TRABD2A: variants seen among roughly 807,000 people sequenced by gnomAD.
TRABD2A encodes metalloprotease TIKI1.
In TRABD2A, 43 loss-of-function variants were observed where a neutral mutation model predicts 45.6. The observed-to-expected ratio is 0.94, with a 90% CI of 0.74 to 1.22. The LOEUF (loss-of-function observed/expected upper bound fraction) is 1.22. Ranked by LOEUF, TRABD2A falls within the 50% of genes most tolerant of loss-of-function variation. The probability of loss-of-function intolerance (pLI) is 0.00; values close to 1 mark genes in which losing one functional copy is unlikely to be tolerated. For synonymous variants in TRABD2A, 269 were observed against 265.0 expected (o/e 1.02, Z -0.15); for missense variants, 642 against 652.4 (o/e 0.98, Z 0.17).
intron 2 of TRABD2A, among the ~76,000 whole-genome samples, chr2:84,862,883 G>A (rs995860248): frequency 6.6e-6 from 1 of 152,268 alleles, no homozygotes; most frequent in African/African-American, 2.4e-5. Context: ...CAGGTACAAC[G>A]TTGGTTTGAT....
In TRABD2A at chr2:84,877,212, C is replaced by T. The variant is rs940952575; in HGVS notation, c.108+3720G>A. ...CTTACTTTGCCCACTGGCGAGCCCC[C>T]GGACCCTTGCACTTACTGTACTGGT... On this transcript the variant is annotated intron_variant, in intron 1 of 6. Transcript: ENST00000409520. 9.9e-5 allele frequency among the ~76,000 whole-genome samples: 15 copies of T among 152,072 alleles called. 2 individuals are homozygous for T. Among genetic ancestry groups the T allele is most frequent in the Admixed American group, 7.2e-4 (11 of 15,266 alleles).
At position 84,857,475 on chromosome 2, in the gene TRABD2A, G is replaced by A. The variant is rs545930918; in HGVS notation, c.669+12750C>T. Among the ~76,000 whole-genome samples, 251 of 152,224 alleles carry A rather than the reference G, an allele frequency of 1.6e-3. 1 individual carries two copies. The highest frequency in any genetic ancestry group is 5.9e-3 in the African/African-American group (246 of 41,534). ...TAAAGCTAATAACCCACCCTTAACC[G>A]CATGTGAACTTGTGCCTGGGGCCAG... On this transcript the variant is annotated intron_variant, in intron 2 of 6. Coordinates refer to ENST00000409520, the MANE Select transcript of TRABD2A (RefSeq NM_001277053.2).
chr2:84,846,337 C>T (rs998719947), intron 2 of TRABD2A, among the ~76,000 whole-genome samples: 12 of 152,214 alleles, frequency 7.9e-5, no homozygotes, highest in African/African-American at 4.8e-5. Context: ...CCAGGGGAAG[C>T]ATGGCTTTCA....
chr2:84,869,328 T>C (rs1682793148), intron 2 of TRABD2A, among the ~76,000 whole-genome samples: 2 of 152,356 alleles, frequency 1.3e-5, no homozygotes, highest in East Asian at 1.9e-4. Flanking sequence ...AAGTGTCTAA[T>C]GCACTTTAAA....
At position 84,841,993 on chromosome 2, in the gene TRABD2A, CAAAG is replaced by C; in HGVS notation, c.680_683del (p.Ala227GlyfsTer73). 5 of 1,520,176 alleles carry C rather than the reference CAAAG, an allele frequency of 3.3e-6. No homozygotes were observed. Among genetic ancestry groups the C allele is most frequent in the Non-Finnish European group, 3.5e-6 (4 of 1,134,966 alleles). The allele number at this position is 1,520,176 out of a possible 1,614,324, so 94.2% of individuals were successfully genotyped here. A position where few individuals can be genotyped will look rare whatever the true frequency, so the allele number is the denominator to read the frequency against. On this transcript the variant is annotated frameshift_variant, in exon 3 of 7. Coordinates refer to ENST00000409520, the MANE Select transcript of TRABD2A (RefSeq NM_001277053.2). LOFTEE classifies it high-confidence loss of function. ...TTTCCTGCTGCAGGAGGGTCTGGTTCAAAGCAAAGATGACCTAAAAGAAAGGTCT... is the reference window on the plus strand; with the variant it reads ...TTTCCTGCTGCAGGAGGGTCTGGTTCCAAAGATGACCTAAAAGAAAGGTCT...
chr2:84,823,917 G>T (rs200937976), intron 6 of TRABD2A, 36 bp downstream of exon 6: 51 of 1,610,566 alleles, frequency 3.2e-5, no homozygotes, highest in South Asian at 1.1e-5. Flanking sequence ...CTAGGGTAAA[G>T]GTGGATGCCA....
At chr2:84,864,796 G>A (rs1682621230) in intron 2 of TRABD2A, among the ~76,000 whole-genome samples, 1 of 152,130 alleles carries the variant, frequency 6.6e-6, no homozygotes, top group South Asian at 2.1e-4. Context: ...GCACCACATG[G>A]TATCCCCGGG....
intron 2 of TRABD2A, among the ~76,000 whole-genome samples, chr2:84,855,632 C>G (rs1682271184): frequency 6.6e-6 from 1 of 152,124 alleles, no homozygotes; most frequent in South Asian, 2.1e-4. Context: ...TTCCTTGCCC[C>G]CTAGCCCCCA....
chr2:84,858,047 T>C (rs1352064838), intron 2 of TRABD2A, among the ~76,000 whole-genome samples: 5 of 152,116 alleles, frequency 3.3e-5, no homozygotes, highest in Non-Finnish European at 7.3e-5. Flanking sequence ...AGCTAATGTT[T>C]CACTTTTTGT....
chr2:84,841,355 A>G (rs1020031633), intron 3 of TRABD2A, among the ~76,000 whole-genome samples: 1 of 152,196 alleles, frequency 6.6e-6, no homozygotes, highest in Non-Finnish European at 1.5e-5. Context: ...AGCCACACTC[A>G]TCCTGCAATA....
chr2:84,873,607 G>A (rs1682937731), intron 1 of TRABD2A, among the ~76,000 whole-genome samples: 2 of 152,182 alleles, frequency 1.3e-5, no homozygotes, highest in Admixed American at 6.5e-5. Context: ...GGCGAATTAA[G>A]CAATCAAATG....
chr2:84,838,102 A>G, intron 4 of TRABD2A: 3 of 640,882 alleles, frequency 4.7e-6, no homozygotes, highest in Non-Finnish European at 8.5e-6. Context: ...ACTATTGGAC[A>G]TGTCAAATAG....
rs546559717 is a variant in TRABD2A, at chr2:84,875,766, T to C, written c.109-4981A>G. ...GCCTCATGCCTGTAATCCCAACACTTTGGGAAGCTTGAGCCCAAAAGTTTG... is the reference window on the plus strand; with the variant it reads ...GCCTCATGCCTGTAATCCCAACACTCTGGGAAGCTTGAGCCCAAAAGTTTG... On this transcript the variant is annotated intron_variant, in intron 1 of 6. Transcript: ENST00000409520. Among the ~76,000 whole-genome samples, 155 of 152,272 alleles carry C rather than the reference T, an allele frequency of 1.0e-3. No homozygotes were observed. In the Middle Eastern group the frequency reaches 0.02, roughly 20 times the overall value.
chr2:84,855,938 A>T (rs1017793358), intron 2 of TRABD2A, among the ~76,000 whole-genome samples: 1 of 151,988 alleles, frequency 6.6e-6, no homozygotes, highest in African/African-American at 2.4e-5. Context: ...TTCCCCTCAG[A>T]TCAAAGACCT....
At chr2:84,832,259 T>C (rs1279636601) in intron 4 of TRABD2A, 114 bp from the exon 5 acceptor site, 1 of 1,044,008 alleles carries the variant, frequency 9.6e-7, no homozygotes. Context: ...TGCCTATCTG[T>C]CCAGCACAGT....
At chr2:84,840,838 A>C (rs936110409) in intron 3 of TRABD2A, among the ~76,000 whole-genome samples, 1 of 151,442 alleles carries the variant, frequency 6.6e-6, no homozygotes, top group Non-Finnish European at 1.5e-5. Flanking sequence ...TTTTTCCTCT[A>C]GATTTTTGGG....
chr2:84,873,801 G>A (rs986448868), intron 1 of TRABD2A, among the ~76,000 whole-genome samples: 4 of 152,200 alleles, frequency 2.6e-5, no homozygotes, highest in African/African-American at 9.7e-5. Context: ...TTCATTTAGA[G>A]GTCTGGTTCA....
chr2:84,825,681 C>G (rs951136397), intron 5 of TRABD2A, among the ~76,000 whole-genome samples: 1 of 152,136 alleles, frequency 6.6e-6, no homozygotes, highest in African/African-American at 2.4e-5. Flanking sequence ...CCTCCTAGGG[C>G]AGGGGTCCCC....
At chr2:84,831,103 C>T (rs1369903738) in intron 5 of TRABD2A, among the ~76,000 whole-genome samples, 1 of 151,934 alleles carries the variant, frequency 6.6e-6, no homozygotes, top group East Asian at 1.9e-4. Context: ...GGAGTTAGGG[C>T]CTTTAAAGAG....
Sources: allele counts gnomAD v4.1 joint callset (sites outside exome capture counted in the v4.1 genomes callset), GRCh38; gene constraint gnomAD v4.1.1; transcripts MANE v1.5; gene names NCBI Gene and HGNC (gene_info 2026-07-23, HGNC 2026-07-21).